The following SCN8A variants were observed in gnomAD, a reference collection of about 807,000 sequenced individuals.
SCN8A encodes sodium channel protein type 8 subunit alpha.
A neutral mutation model predicts 184.1 loss-of-function variants in SCN8A; 30 were observed. The observed-to-expected ratio is 0.16, with a 90% CI of 0.12 to 0.22. The LOEUF (loss-of-function observed/expected upper bound fraction) is 0.22, where lower values mean the gene tolerates loss of function less well. SCN8A is among the 10% of genes least tolerant of loss of function. SCN8A has a pLI of 1.00. For synonymous variants in SCN8A, 852 were observed against 907.0 expected, an observed-to-expected ratio of 0.94 and a Z score of 1.09; for missense variants, 1,057 against 2,498.9, an observed-to-expected ratio of 0.42 and a Z score of 12.30.
rs373513696 is a variant in SCN8A at position 51,774,276 on chromosome 12, C to A, written c.3733C>A (p.Leu1245Met). 1.9e-6 allele frequency: 3 copies of A among 1,613,972 alleles called. No homozygotes were observed. In the African/African-American group the frequency reaches 4.0e-5, roughly 22 times the overall value. The change falls in exon 20 of 27, where the codon CTG becomes ATG. Residue 1245 changes from leucine (L) to methionine (M), a missense_variant. Leu to Met is a conservative substitution (Grantham distance 15). Transcript: ENST00000627620. ...CAAAGTCTTCACCTATATCTTCATCCTGGAGATGTTGCTCAAGTGGACAGC... is the reference window on the plus strand; with the variant it reads ...CAAAGTCTTCACCTATATCTTCATCATGGAGATGTTGCTCAAGTGGACAGC... ...ADKVFTYIFI[L>M]EMLLKWTAYG...
At chr12:51,772,978 G>A (rs761859377) in intron 19 of SCN8A, among the ~76,000 whole-genome samples, 2 of 152,142 alleles carry the variant, frequency 1.3e-5, no homozygotes, top group Non-Finnish European at 2.9e-5. Context: ...TTAGCCGGGT[G>A]TGGTGGCATG....
In SCN8A at chr12:51,771,433, C is replaced by CAAA. The variant is rs112882505; in HGVS notation, c.3645+759_3645+761dup. ...GTGGAATCAAAGCTTAATCTGGAAG[C>CAAA]AAAAAAAAAAACATAGCAAGGGAGA... is the stretch of plus-strand genomic sequence containing the variant. On this transcript the variant is annotated intron_variant, in intron 19 of 26. Transcript: ENST00000627620. 2.5e-3 allele frequency among the ~76,000 whole-genome samples: 352 copies of CAAA among 140,436 alleles called. 3 individuals carry two copies. The highest frequency in any genetic ancestry group is 8.7e-3 in the African/African-American group (337 of 38,628). The allele number at this position is 140,436 out of a possible 152,430, so 92.1% of individuals were successfully genotyped here. A position where few individuals can be genotyped will look rare whatever the true frequency, so the allele number is the denominator to read the frequency against.
intron 2 of SCN8A, among the ~76,000 whole-genome samples, chr12:51,681,849 A>C (rs954959766): frequency 6.6e-6 from 1 of 152,174 alleles, no homozygotes; most frequent in Non-Finnish European, 1.5e-5. Context: ...AATACTGTGC[A>C]TTGGGAGTAC....
chr12:51,631,049 G>A lies in SCN8A; in HGVS notation c.-54-31715G>A, dbSNP rs1378236176. Among the ~76,000 whole-genome samples the A allele has an allele frequency of 3.9e-5, 6 of 152,306 alleles. No individual in the cohort carries two copies. The South Asian group carries it at 8.3e-4, about 21-fold the overall frequency. ...GGGTCCTGAGGTCCCATCATCAAGC[G>A]TTTTGATTCATCTGCCATTCAAAAG... On this transcript the variant is annotated intron_variant, in intron 1 of 26. Coordinates refer to ENST00000627620, the MANE Select transcript of SCN8A (RefSeq NM_001330260.2).
intron 2 of SCN8A, among the ~76,000 whole-genome samples, chr12:51,669,818 G>A (rs568817106): frequency 2.0e-5 from 3 of 152,238 alleles, no homozygotes; most frequent in Admixed American, 1.3e-4. Flanking sequence ...CCCTATATGA[G>A]CTCCTGGCAG....
intron 20 of SCN8A, among the ~76,000 whole-genome samples, chr12:51,778,485 C>G (rs1937782225): frequency 6.6e-6 from 1 of 152,078 alleles, no homozygotes; most frequent in Admixed American, 6.5e-5. Context: ...GACGGGGTTT[C>G]ACCATGTTGG....
intron 12 of SCN8A, among the ~76,000 whole-genome samples, chr12:51,728,037 C>T (rs955310264): frequency 6.6e-6 from 1 of 152,142 alleles, no homozygotes; most frequent in Non-Finnish European, 1.5e-5. Context: ...CCTGCTCACC[C>T]GTGTTGGTGT....
At chr12:51,762,715 T>A (rs1942780596) in intron 15 of SCN8A, 39 bp downstream of exon 15, 1 of 1,509,352 alleles carries the variant, frequency 6.6e-7, no homozygotes, top group African/African-American at 1.4e-5. Context: ...ACATTTCCTA[T>A]CTTGCAGCTA....
intron 1 of SCN8A, among the ~76,000 whole-genome samples, chr12:51,627,500 G>A (rs911851376): frequency 6.6e-6 from 1 of 152,136 alleles, no homozygotes; most frequent in East Asian, 1.9e-4. Flanking sequence ...TCCTGCCTCA[G>A]CCTCCCAAGT....
At chr12:51,752,557 C>T (rs1349159624) in intron 14 of SCN8A, among the ~76,000 whole-genome samples, 1 of 152,172 alleles carries the variant, frequency 6.6e-6, no homozygotes, top group African/African-American at 2.4e-5. Context: ...CATTGTGTTC[C>T]CTGGTATACA....
At chr12:51,693,207 C>G (rs188130117) in intron 6 of SCN8A, among the ~76,000 whole-genome samples, 1 of 152,298 alleles carries the variant, frequency 6.6e-6, no homozygotes, top group Admixed American at 6.5e-5. Context: ...GGTTTTAAGA[C>G]TATATCCTGA....
At chr12:51,780,383 C>T in intron 20 of SCN8A, 2 of 354,536 alleles carry the variant, frequency 5.6e-6, no homozygotes, top group Non-Finnish European at 1.1e-5. Flanking sequence ...GTTCTACCGC[C>T]TTCTCGATTT....
chr12:51,641,200 ATTAT>A (rs563566093), intron 1 of SCN8A, among the ~76,000 whole-genome samples: 1 of 152,224 alleles, frequency 6.6e-6, no homozygotes, highest in Non-Finnish European at 1.5e-5. Flanking sequence ...GAATCTAGAG[ATTAT>A]TTAAAGTATA....
At chr12:51,721,076 AAAAAT>A (rs1158612742) in intron 11 of SCN8A, among the ~76,000 whole-genome samples, 2 of 56,100 alleles carry the variant, frequency 3.6e-5, no homozygotes, top group East Asian at 1.2e-3. Flanking sequence ...TCAAAAAAAA[AAAAAT>A]TATATATATA....
chr12:51,749,567 G>A (rs1301681760), intron 13 of SCN8A, among the ~76,000 whole-genome samples: 1 of 152,118 alleles, frequency 6.6e-6, no homozygotes, highest in African/African-American at 2.4e-5. Context: ...GGAAGGGAGG[G>A]AGTTCTCTGA....
intron 12 of SCN8A, among the ~76,000 whole-genome samples, chr12:51,723,981 C>A (rs1942116266): frequency 6.6e-6 from 1 of 152,152 alleles, no homozygotes; most frequent in South Asian, 2.1e-4. Flanking sequence ...ATCTCAGACC[C>A]CTCAGAGACC....
intron 21 of SCN8A, among the ~76,000 whole-genome samples, chr12:51,781,726 AGTT>A (rs3837473): frequency 0.62 from 93,424 of 151,702 alleles, 31,279 homozygotes; most frequent in Non-Finnish European, 0.76. Context: ...TGGTGGTAAT[AGTT>A]GTCCTGTGGT....
intron 1 of SCN8A, among the ~76,000 whole-genome samples, chr12:51,639,242 G>GTGCTGGGAT (rs1004654426): frequency 6.6e-6 from 1 of 152,204 alleles, no homozygotes; most frequent in African/African-American, 2.4e-5. Flanking sequence ...GTCTCCCAAA[G>GTGCTGGGAT]TGCTGGGATT....
At chr12:51,740,225 GT>G (rs1297647248) in intron 12 of SCN8A, among the ~76,000 whole-genome samples, 1 of 152,240 alleles carries the variant, frequency 6.6e-6, no homozygotes, top group Non-Finnish European at 1.5e-5. Context: ...TTTATGGCCA[GT>G]TTTGGGGCCA....
Sources: gnomAD v4.1 joint callset for allele counts (sites outside exome capture counted in the v4.1 genomes callset) on GRCh38, gnomAD v4.1.1 for gene constraint, MANE v1.5 for transcripts, NCBI Gene and HGNC (gene_info 2026-07-23, HGNC 2026-07-21) for gene names.